Variants in LYRM4 observed in about 807,000 individuals in gnomAD.
LYRM4 encodes the protein LYR motif-containing protein 4.
Under a neutral mutation model 11.7 loss-of-function variants are expected in LYRM4, and 9 were observed. The observed-to-expected ratio is 0.77, with a 90% CI of 0.46 to 1.34. The LOEUF is 1.34. Among genes scored for constraint, LYRM4 ranks in the 40% most tolerant of loss-of-function variants. The pLI is 0.00. For missense variants in LYRM4, 133 were observed against 112.5 expected, an observed-to-expected ratio of 1.18 and a Z score of -0.82; for synonymous variants, 42 against 40.4, an observed-to-expected ratio of 1.04 and a Z score of -0.15.
At chr6:5,042,709 C>G in the LYRM4 span, 1 of 152,666 alleles carries the variant, frequency 6.6e-6, no homozygotes, top group Non-Finnish European at 1.5e-5. Flanking sequence ...GATACATCAC[C>G]TGGACACTAA....
chr6:5,076,023 C>T, the LYRM4 span, among the ~76,000 whole-genome samples: 1 of 151,784 alleles, frequency 6.6e-6, no homozygotes, highest in Non-Finnish European at 1.5e-5. Flanking sequence ...TGGCTCACTG[C>T]AGCCTCATTC....
At chr6:5,120,276 G>C (rs1174955712) in intron 2 of LYRM4, among the ~76,000 whole-genome samples, 2 of 152,180 alleles carry the variant, frequency 1.3e-5, no homozygotes, top group African/African-American at 4.8e-5. Context: ...CAAGCTTTCT[G>C]TTCCCTCTGC....
chr6:5,120,930 C>A (rs912204149), intron 2 of LYRM4, among the ~76,000 whole-genome samples: 1 of 152,192 alleles, frequency 6.6e-6, no homozygotes, highest in African/African-American at 2.4e-5. Context: ...CTCAGTAGGA[C>A]CTAGGTGGCC....
chr6:5,226,746 T>A (rs918186442), intron 1 of LYRM4, among the ~76,000 whole-genome samples: 3 of 152,222 alleles, frequency 2.0e-5, no homozygotes, highest in Admixed American at 1.3e-4. Context: ...GGAAAATATA[T>A]GTGTAGGAAA....
chr6:5,064,197 G>GA, the LYRM4 span, among the ~76,000 whole-genome samples: 44,552 of 150,532 alleles, frequency 0.3, 6,767 homozygotes, highest in Middle Eastern at 0.39. Flanking sequence ...TCTGCTGGCT[G>GA]AAAAAAAAAG....
downstream of LYRM4, among the ~76,000 whole-genome samples, chr6:5,101,968 C>CTTTTTTTTTTTTTTTTT (rs397826404): frequency 8.3e-3 from 561 of 67,848 alleles, 88 homozygotes; most frequent in African/African-American, 0.018. Flanking sequence ...CTAATGCTTT[C>CTTTTTTTTTTTTTTTTT]TTTTTTTTTT....
downstream of LYRM4, chr6:5,104,274 C>T (rs1762594802): frequency 6.6e-6 from 1 of 151,360 alleles, no homozygotes. Context: ...TTGTTTTATC[C>T]CAGTTATTTT....
At chr6:5,179,940 G>A (rs1439852166) in intron 2 of LYRM4, among the ~76,000 whole-genome samples, 2 of 152,172 alleles carry the variant, frequency 1.3e-5, no homozygotes, top group Non-Finnish European at 2.9e-5. Flanking sequence ...CCTAATCATA[G>A]GAGATGTAAG....
chr6:5,084,113 TAGAA>T, the LYRM4 span, among the ~76,000 whole-genome samples: 19 of 152,110 alleles, frequency 1.2e-4, no homozygotes, highest in South Asian at 2.1e-4. Flanking sequence ...TCGAAAAAGT[TAGAA>T]AGAAGGAAAC....
chr6:5,048,002 A>G, the LYRM4 span, among the ~76,000 whole-genome samples: 1 of 152,144 alleles, frequency 6.6e-6, no homozygotes, highest in East Asian at 1.9e-4. Context: ...ATCCCCTTCA[A>G]TAGTTTTCTA....
chr6:5,240,950 T>C (rs1342721812), intron 1 of LYRM4, among the ~76,000 whole-genome samples: 1 of 152,240 alleles, frequency 6.6e-6, no homozygotes, highest in African/African-American at 2.4e-5. Flanking sequence ...GCAGGGAATG[T>C]ACCTGCCTGA....
chr6:5,195,024 T>C (rs1057359869), intron 2 of LYRM4, among the ~76,000 whole-genome samples: 3 of 152,260 alleles, frequency 2.0e-5, no homozygotes, highest in African/African-American at 7.2e-5. Flanking sequence ...ACATAAAGGC[T>C]TGATGTACAT....
At chr6:5,239,335 G>A (rs868631433) in intron 1 of LYRM4, among the ~76,000 whole-genome samples, 1 of 152,270 alleles carries the variant, frequency 6.6e-6, no homozygotes, top group Middle Eastern at 3.4e-3. Context: ...TTGCCTGAAG[G>A]ATTAGGTTGG....
In LYRM4 at chr6:5,239,049, T is replaced by C. The variant is rs551596098; in HGVS notation, c.86+21599A>G. ...AGATTTGGAATTTAGAAAGATATTC[T>C]TTCCGGTGGCAATAGGCAGGATGCC... On this transcript the variant is annotated intron_variant, in intron 1 of 2. Coordinates refer to ENST00000330636, the MANE Select transcript of LYRM4 (RefSeq NM_020408.6). 4.6e-5 allele frequency among the ~76,000 whole-genome samples: 7 copies of C among 152,340 alleles called. 1 individual carries two copies. In the South Asian group the frequency reaches 1.5e-3, roughly 32 times the overall value.
At chr6:5,239,167 G>A (rs893810860) in intron 1 of LYRM4, among the ~76,000 whole-genome samples, 4 of 152,168 alleles carry the variant, frequency 2.6e-5, no homozygotes, top group Admixed American at 2.0e-4. Context: ...CAATCAACTC[G>A]TGAGACATAA....
At chr6:5,169,221 G>A (rs925557193) in intron 2 of LYRM4, among the ~76,000 whole-genome samples, 1 of 152,122 alleles carries the variant, frequency 6.6e-6, no homozygotes, top group African/African-American at 2.4e-5. Context: ...GTGCCACCGT[G>A]CCTGGCACTG....
chr6:5,218,849 A>G (rs977076081), intron 1 of LYRM4, among the ~76,000 whole-genome samples: 3 of 152,250 alleles, frequency 2.0e-5, no homozygotes, highest in African/African-American at 7.2e-5. Flanking sequence ...AATTAACAGC[A>G]ATTTCTGGCA....
the LYRM4 span, among the ~76,000 whole-genome samples, chr6:5,056,036 A>C: frequency 6.6e-6 from 1 of 150,630 alleles, no homozygotes; most frequent in Non-Finnish European, 1.5e-5. Context: ...GGGTCTTGCT[A>C]TGTTGCCCAG....
Position 5,260,518 on chromosome 6 carries a change from C to G in LYRM4, c.86+130G>C, listed in dbSNP as rs114666246. On this transcript the variant is annotated intron_variant, in intron 1 of 2. Transcript: ENST00000330636. ...GAGCACGCTTTTCGATGGCGGAGCC[C>G]GGTCCTTGCCTCGCAGCCGCCGGCA... 4.5e-3 allele frequency: 5,683 copies of G among 1,260,864 alleles called. 161 individuals carry two copies. The African/African-American group carries it at 0.067, about 15-fold the overall frequency. 78.1% of individuals were successfully genotyped at this position (1,260,864 alleles called of 1,614,324 possible). A position where few individuals can be genotyped will look rare whatever the true frequency, so the allele number is the denominator to read the frequency against.
Sources: allele counts gnomAD v4.1 joint callset (sites outside exome capture counted in the v4.1 genomes callset), GRCh38; gene constraint gnomAD v4.1.1; transcripts MANE v1.5; gene names NCBI Gene and HGNC (gene_info 2026-07-23, HGNC 2026-07-21).